The following DCC variants were observed in gnomAD, a reference collection of about 807,000 sequenced individuals.
DCC encodes the protein DCC netrin 1 receptor.
In DCC, 58 loss-of-function variants were observed where a neutral mutation model predicts 172.5. The ratio of observed to expected loss-of-function variants is 0.34; its 90% CI spans 0.27 to 0.42. DCC has a LOEUF of 0.42. Among genes scored for constraint, DCC ranks in the 10% least tolerant of loss-of-function variants. The probability of loss-of-function intolerance (pLI) is 1.00; values close to 1 mark genes in which losing one functional copy is unlikely to be tolerated. For synonymous variants in DCC, 709 were observed against 644.5 expected (o/e 1.10, Z -1.52); for missense variants, 1,740 against 1,791.0 (o/e 0.97, Z 0.51).
intron 21 of DCC, among the ~76,000 whole-genome samples, chr18:53,423,949 A>G (rs906271759): frequency 1.3e-5 from 2 of 151,898 alleles, no homozygotes; most frequent in African/African-American, 4.8e-5. Flanking sequence ...GGACAGCTCA[A>G]AGTAATAGTG....
At chr18:52,549,961 A>C (rs1386184572) in intron 1 of DCC, among the ~76,000 whole-genome samples, 1 of 151,960 alleles carries the variant, frequency 6.6e-6, no homozygotes, top group Non-Finnish European at 1.5e-5. Context: ...GTAGTGTTTA[A>C]TTCCAAAGAG....
chr18:53,008,280 C>T (rs2041675216), intron 5 of DCC, among the ~76,000 whole-genome samples: 1 of 152,094 alleles, frequency 6.6e-6, no homozygotes, highest in East Asian at 1.9e-4. Flanking sequence ...ACTTGTGGAC[C>T]ATTTTTACCA....
At chr18:53,226,948 A>ATATATATATATTTTTTTTTTTTTTTTTT in intron 12 of DCC, among the ~76,000 whole-genome samples, 1 of 52,950 alleles carries the variant, frequency 1.9e-5, no homozygotes, top group Non-Finnish European at 4.0e-5. Flanking sequence ...ATATATATAT[A>ATATATATATATTTTTTTTTTTTTTTTTT]TTTTTTTTTT....
chr18:53,478,372 A>G (rs1261414850), intron 25 of DCC, among the ~76,000 whole-genome samples: 1 of 152,178 alleles, frequency 6.6e-6, no homozygotes, highest in East Asian at 1.9e-4. Flanking sequence ...GGATGTAACT[A>G]TTTGGCCATT....
intron 1 of DCC, among the ~76,000 whole-genome samples, chr18:52,366,601 G>A (rs1021698612): frequency 1.3e-5 from 2 of 151,766 alleles, no homozygotes; most frequent in Admixed American, 6.5e-5. Flanking sequence ...ACAGAGTGTC[G>A]ATTGGTGCGC....
At chr18:52,576,080 T>C (rs1442382744) in intron 1 of DCC, among the ~76,000 whole-genome samples, 3 of 152,172 alleles carry the variant, frequency 2.0e-5, no homozygotes, top group South Asian at 4.1e-4. Flanking sequence ...TTCTTTAAGA[T>C]TTTTGCGGCA....
intron 5 of DCC, among the ~76,000 whole-genome samples, chr18:52,952,791 G>A (rs575742763): frequency 1.8e-4 from 28 of 151,856 alleles, no homozygotes; most frequent in Non-Finnish European, 3.4e-4. Context: ...CTTGAGGCCA[G>A]GAGTTCAAGA....
chr18:52,555,198 G>A (rs763982896), intron 1 of DCC, among the ~76,000 whole-genome samples: 4 of 152,150 alleles, frequency 2.6e-5, no homozygotes, highest in Non-Finnish European at 5.9e-5. Context: ...ACTCACAGTC[G>A]AAGAGCAGTG....
At chr18:53,171,291 G>A (rs1481619385) in intron 8 of DCC, among the ~76,000 whole-genome samples, 4 of 152,202 alleles carry the variant, frequency 2.6e-5, no homozygotes, top group Admixed American at 1.3e-4. Context: ...AAACCACTAC[G>A]AGCCCACATT....
At chr18:52,592,317 A>T (rs62083396) in intron 1 of DCC, among the ~76,000 whole-genome samples, 42,238 of 152,108 alleles carry the variant, frequency 0.28, 6,599 homozygotes, top group Middle Eastern at 0.37. Context: ...GAAGTCTCAG[A>T]ATTTGATTAA....
At chr18:52,633,132 TGTC>T (rs2034709010) in intron 1 of DCC, among the ~76,000 whole-genome samples, 1 of 151,274 alleles carries the variant, frequency 6.6e-6, no homozygotes, top group Admixed American at 6.6e-5. Context: ...TTTCCTGTCC[TGTC>T]CTGTCCTGTC....
chr18:52,541,403 G>T (rs947609346), intron 1 of DCC, among the ~76,000 whole-genome samples: 2 of 152,102 alleles, frequency 1.3e-5, no homozygotes, highest in Admixed American at 6.5e-5. Context: ...ATAAACTTGG[G>T]TGGATTAAAA....
intron 27 of DCC, among the ~76,000 whole-genome samples, chr18:53,501,219 T>C (rs939466830): frequency 6.6e-6 from 1 of 152,324 alleles, no homozygotes; most frequent in African/African-American, 2.4e-5. Flanking sequence ...TGAAGGCTTA[T>C]TACATCTCAT....
At chr18:53,127,512 G>T (rs2043581692) in intron 7 of DCC, among the ~76,000 whole-genome samples, 1 of 152,006 alleles carries the variant, frequency 6.6e-6, no homozygotes, top group African/African-American at 2.4e-5. Context: ...TGCAAATGTT[G>T]CCTATGGGAG....
rs571104728 is a variant in DCC, at chr18:53,049,789, A to G, written c.986-13516A>G. ...GTCTATAAATTGCTTTGCGCAATGT[A>G]CTAGTCAGGGTTCTCTAGAGGGACG... On this transcript the variant is annotated intron_variant, in intron 5 of 28. Transcript: ENST00000442544. Among the ~76,000 whole-genome samples, 8 of 152,164 alleles carry G rather than the reference A, an allele frequency of 5.3e-5. No individual in the cohort carries two copies. The East Asian group carries it at 1.6e-3, about 30-fold the overall frequency.
At chr18:52,431,111 C>A (rs1231383731) in intron 1 of DCC, among the ~76,000 whole-genome samples, 1 of 152,044 alleles carries the variant, frequency 6.6e-6, no homozygotes, top group Non-Finnish European at 1.5e-5. Flanking sequence ...CCAGCAGTAC[C>A]ATCATCACCA....
At chr18:53,399,210 G>A (rs1010454) in intron 18 of DCC, among the ~76,000 whole-genome samples, 64,501 of 151,996 alleles carry the variant, frequency 0.42, 15,456 homozygotes, top group Non-Finnish European at 0.55. Context: ...GGCTGTAGAA[G>A]TGAGGAACTG....
intron 13 of DCC, among the ~76,000 whole-genome samples, chr18:53,313,086 G>A (rs1444481605): frequency 7.2e-6 from 1 of 138,142 alleles, no homozygotes; most frequent in African/African-American, 2.6e-5. Context: ...GAAGGAAAAA[G>A]GAAGGAAGGG....
intron 14 of DCC, among the ~76,000 whole-genome samples, chr18:53,330,107 T>C (rs1309227916): frequency 1.3e-5 from 2 of 152,162 alleles, no homozygotes; most frequent in African/African-American, 4.8e-5. Flanking sequence ...TCTTATATAA[T>C]TCAAAACTGG....
Sources: gnomAD v4.1 joint callset for allele counts (sites outside exome capture counted in the v4.1 genomes callset) on GRCh38, gnomAD v4.1.1 for gene constraint, MANE v1.5 for transcripts, NCBI Gene and HGNC (gene_info 2026-07-23, HGNC 2026-07-21) for gene names.